The following ROBO1 variants were observed in gnomAD, a reference collection of about 807,000 sequenced individuals.
ROBO1 encodes the protein roundabout homolog 1.
Under a neutral mutation model 195.9 loss-of-function variants are expected in ROBO1, and 149 were observed. That is an observed-to-expected ratio of 0.76 (90% CI 0.67 to 0.87). The LOEUF is 0.87. ROBO1 is among the 40% of genes least tolerant of loss of function. ROBO1 has a pLI of 0.00. For synonymous variants in ROBO1, 816 were observed against 733.2 expected (o/e 1.11, Z -1.82); for missense variants, 1,933 against 2,068.3 (o/e 0.93, Z 1.27).
In ROBO1 at chr3:78,876,148, T is replaced by C. The variant is rs1445402095; in HGVS notation, c.499+62453A>G. Among the ~76,000 whole-genome samples, 5 of 152,246 alleles carry C rather than the reference T, an allele frequency of 3.3e-5. No individual in the cohort carries two copies. In the East Asian group the frequency reaches 5.8e-4, roughly 18 times the overall value. On this transcript the variant is annotated intron_variant, in intron 4 of 30. Transcript: ENST00000464233. ...AATAATCTTCAAGGATGAATGATGTTGTATTTTCAGAACTCAAAACTATTT... is the reference window on the plus strand; with the variant it reads ...AATAATCTTCAAGGATGAATGATGTCGTATTTTCAGAACTCAAAACTATTT...
chr3:78,712,805 G>T (rs1330126989), intron 8 of ROBO1, among the ~76,000 whole-genome samples: 1 of 152,144 alleles, frequency 6.6e-6, no homozygotes, highest in Non-Finnish European at 1.5e-5. Flanking sequence ...ATTGCAGGAA[G>T]AAACTCTATT....
At position 79,584,253 on chromosome 3, in the gene ROBO1, AATAT is replaced by A. The variant is rs10526101; in HGVS notation, c.88+5567_88+5570del. On this transcript the variant is annotated intron_variant, in intron 2 of 30. Transcript: ENST00000464233. ...ATGCATATGTTACATAGGTACATGT[AATAT>A]ATATATATATATATATATATATTAC... is the stretch of plus-strand genomic sequence containing the variant. Among the ~76,000 whole-genome samples, 243 of 144,600 alleles carry A rather than the reference AATAT, an allele frequency of 1.7e-3. 1 individual carries two copies. The highest frequency in any genetic ancestry group is 5.4e-3 in the African/African-American group (220 of 40,412). 94.9% of individuals were successfully genotyped at this position (144,600 alleles called of 152,430 possible).
At chr3:79,747,214 T>C (rs977437481) in intron 1 of ROBO1, among the ~76,000 whole-genome samples, 2 of 152,082 alleles carry the variant, frequency 1.3e-5, no homozygotes, top group African/African-American at 2.4e-5. Context: ...ACTCAGGGAA[T>C]CTTAGAGTGT....
intron 1 of ROBO1, among the ~76,000 whole-genome samples, chr3:79,648,125 A>G (rs1288148940): frequency 6.6e-6 from 1 of 152,112 alleles, no homozygotes; most frequent in East Asian, 1.9e-4. Flanking sequence ...ATACCCATAC[A>G]TTATAAGGTC....
intron 1 of ROBO1, among the ~76,000 whole-genome samples, chr3:79,690,683 C>G (rs1379966443): frequency 6.6e-6 from 1 of 151,952 alleles, no homozygotes; most frequent in African/African-American, 2.4e-5. Flanking sequence ...TGTAATCCCA[C>G]ATTTCCCAGT....
chr3:79,136,651 C>A (rs946792886), intron 2 of ROBO1, among the ~76,000 whole-genome samples: 3 of 152,062 alleles, frequency 2.0e-5, no homozygotes, highest in Non-Finnish European at 4.4e-5. Flanking sequence ...ATACAAGAAA[C>A]CCCTATATTT....
intron 26 of ROBO1, among the ~76,000 whole-genome samples, chr3:78,620,602 A>G (rs968859803): frequency 2.6e-5 from 4 of 152,258 alleles, no homozygotes; most frequent in African/African-American, 9.6e-5. Context: ...AACATTAAAA[A>G]TAAATGATTA....
At chr3:79,062,669 T>C (rs2078940293) in intron 3 of ROBO1, among the ~76,000 whole-genome samples, 1 of 152,180 alleles carries the variant, frequency 6.6e-6, no homozygotes, top group East Asian at 1.9e-4. Context: ...TATGCAGCCA[T>C]AAAAAAGAAT....
intron 2 of ROBO1, among the ~76,000 whole-genome samples, chr3:79,322,587 C>A (rs1455727702): frequency 6.6e-6 from 1 of 152,124 alleles, no homozygotes; most frequent in East Asian, 1.9e-4. Context: ...ATGGGATCCA[C>A]AAATTGGATT....
rs549276770 is a variant in ROBO1 at position 79,142,182 on chromosome 3, A to C, written c.89-16643T>G. Reference sequence around the variant, plus strand: ...AAGGAGTGAGGATTATGAACAAAAAACATACAAAATAACCCCAAATATCTT... The same window carrying C: ...AAGGAGTGAGGATTATGAACAAAAACCATACAAAATAACCCCAAATATCTT... On this transcript the variant is annotated intron_variant, in intron 2 of 30. Transcript: ENST00000464233. 2.0e-5 allele frequency among the ~76,000 whole-genome samples: 3 copies of C among 152,342 alleles called. No homozygotes were observed. The East Asian group carries it at 5.8e-4, about 29-fold the overall frequency.
intron 14 of ROBO1, among the ~76,000 whole-genome samples, chr3:78,663,869 G>A (rs190422592): frequency 8.5e-5 from 13 of 152,210 alleles, no homozygotes; most frequent in East Asian, 1.9e-4. Context: ...TCCCTCATAC[G>A]TAAGCTCCCA....
chr3:79,177,668 T>C (rs2081280302), intron 2 of ROBO1, among the ~76,000 whole-genome samples: 1 of 152,206 alleles, frequency 6.6e-6, no homozygotes, highest in Non-Finnish European at 1.5e-5. Context: ...AGCTATTTCT[T>C]TCCCATAAAT....
chr3:79,056,736 T>A (rs1019115639), intron 3 of ROBO1, among the ~76,000 whole-genome samples: 1 of 152,088 alleles, frequency 6.6e-6, no homozygotes, highest in Non-Finnish European at 1.5e-5. Context: ...GACCGCCCAG[T>A]TATCTAGTGT....
chr3:78,988,069 A>G (rs1252611819), intron 3 of ROBO1, among the ~76,000 whole-genome samples: 2 of 152,150 alleles, frequency 1.3e-5, no homozygotes, highest in Non-Finnish European at 2.9e-5. Flanking sequence ...AGACATGGCA[A>G]TGTCTTCTTT....
intron 2 of ROBO1, among the ~76,000 whole-genome samples, chr3:79,282,544 C>G (rs981488619): frequency 1.3e-5 from 2 of 152,168 alleles, no homozygotes; most frequent in African/African-American, 4.8e-5. Flanking sequence ...GAAGGTAAAA[C>G]ATGTGTAGAC....
intron 2 of ROBO1, among the ~76,000 whole-genome samples, chr3:79,154,772 A>G (rs2080830454): frequency 6.6e-6 from 1 of 151,958 alleles, no homozygotes; most frequent in South Asian, 2.1e-4. Context: ...GCTGAATAAC[A>G]TTTAGAAAAT....
chr3:79,391,835 T>C (rs1202066478), intron 2 of ROBO1, among the ~76,000 whole-genome samples: 1 of 152,180 alleles, frequency 6.6e-6, no homozygotes, highest in Non-Finnish European at 1.5e-5. Context: ...GCTTCAGCCT[T>C]GGTTCAAACA....
chr3:79,305,180 C>A (rs2033158746), intron 2 of ROBO1, among the ~76,000 whole-genome samples: 1 of 152,066 alleles, frequency 6.6e-6, no homozygotes, highest in Non-Finnish European at 1.5e-5. Flanking sequence ...TTTAATCCTT[C>A]CTCTATGTTT....
At chr3:79,332,746 G>T (rs1229284638) in intron 2 of ROBO1, among the ~76,000 whole-genome samples, 1 of 152,258 alleles carries the variant, frequency 6.6e-6, no homozygotes, top group East Asian at 1.9e-4. Flanking sequence ...TGATAATAAA[G>T]AAAATTGCTG....
Sources: allele counts gnomAD v4.1 joint callset (sites outside exome capture counted in the v4.1 genomes callset), GRCh38; gene constraint gnomAD v4.1.1; transcripts MANE v1.5; gene names NCBI Gene and HGNC (gene_info 2026-07-23, HGNC 2026-07-21).